Variants in PKHD1 observed in about 807,000 individuals in gnomAD.
PKHD1 encodes fibrocystin.
In PKHD1, 291 loss-of-function variants were observed where a neutral mutation model predicts 412.0. The ratio of observed to expected loss-of-function variants is 0.71; its 90% CI spans 0.64 to 0.78. PKHD1 has a LOEUF of 0.78. Among genes scored for constraint, PKHD1 ranks in the 30% least tolerant of loss-of-function variants. PKHD1 has a pLI of 0.00. For missense variants in PKHD1, 4,825 were observed against 4,950.7 expected (o/e 0.97, Z 0.76); for synonymous variants, 1,777 against 1,821.5 (o/e 0.98, Z 0.62).
At chr6:52,007,866 C>A (rs531820169) in intron 35 of PKHD1, among the ~76,000 whole-genome samples, 21 of 151,926 alleles carry the variant, frequency 1.4e-4, no homozygotes, top group African/African-American at 4.6e-4. Context: ...CCAGTCGATG[C>A]GACAGGACGT....
At chr6:51,658,125 T>C (rs555241677) in intron 61 of PKHD1, among the ~76,000 whole-genome samples, 2 of 152,212 alleles carry the variant, frequency 1.3e-5, no homozygotes, top group Admixed American at 1.3e-4. Flanking sequence ...GTCACTAACA[T>C]GGTGAAGGTT....
intron 60 of PKHD1, among the ~76,000 whole-genome samples, chr6:51,728,376 A>G (rs73738177): frequency 1.3e-5 from 2 of 152,110 alleles, no homozygotes; most frequent in East Asian, 3.8e-4. Context: ...TGCATTCCAA[A>G]TCTTTCCTTT....
intron 23 of PKHD1, among the ~76,000 whole-genome samples, chr6:52,047,398 A>G (rs951332568): frequency 1.3e-5 from 2 of 152,084 alleles, no homozygotes; most frequent in African/African-American, 4.8e-5. Context: ...TCTGCTTGGG[A>G]GGGCAAAAGA....
intron 60 of PKHD1, among the ~76,000 whole-genome samples, chr6:51,725,265 G>C (rs1782434023): frequency 6.6e-6 from 1 of 152,126 alleles, no homozygotes; most frequent in African/African-American, 2.4e-5. Flanking sequence ...CTGGAATAAG[G>C]CCTCTGGATC....
In PKHD1 at chr6:51,622,988, C is replaced by T. The variant is rs1390733700; in HGVS notation, c.11786-3468G>A. 5 of 152,100 alleles carry T rather than the reference C, an allele frequency of 3.3e-5. No individual in the cohort carries two copies. In the East Asian group the frequency reaches 7.7e-4, roughly 23 times the overall value. 9.4% of individuals were successfully genotyped at this position (152,100 alleles called of 1,614,324 possible). ...AATTGGGGCTATTTCCACTAATGTG[C>T]CCATATATTCTTGTAACAGAATCAC... On this transcript the variant is annotated intron_variant, in intron 66 of 66. Coordinates refer to ENST00000371117, the MANE Select transcript of PKHD1 (RefSeq NM_138694.4).
At chr6:51,811,514 A>G (rs144299289) in intron 52 of PKHD1, among the ~76,000 whole-genome samples, 1 of 152,200 alleles carries the variant, frequency 6.6e-6, no homozygotes, top group African/African-American at 2.4e-5. Context: ...TACTTAGAAC[A>G]TATGCTTTTC....
chr6:51,892,554 C>T (rs1461791599), intron 43 of PKHD1, among the ~76,000 whole-genome samples: 3 of 152,110 alleles, frequency 2.0e-5, no homozygotes, highest in Non-Finnish European at 2.9e-5. Flanking sequence ...TCAATATTGA[C>T]GTAGTTGAGA....
At chr6:51,772,877 T>G (rs1790390842) in intron 54 of PKHD1, 88 bp from the exon 55 acceptor site, 3 of 777,852 alleles carry the variant, frequency 3.9e-6, no homozygotes, top group Non-Finnish European at 4.7e-6. Context: ...GAGGCTGTTG[T>G]GCAAAACATG....
chr6:51,850,328 G>A (rs1771963434), intron 49 of PKHD1, among the ~76,000 whole-genome samples: 1 of 152,210 alleles, frequency 6.6e-6, no homozygotes, highest in Non-Finnish European at 1.5e-5. Flanking sequence ...CAGGTAGTGT[G>A]ATGCCTCCAG....
chr6:51,922,031 G>T (rs981745476), intron 37 of PKHD1, among the ~76,000 whole-genome samples: 2 of 152,302 alleles, frequency 1.3e-5, no homozygotes, highest in African/African-American at 4.8e-5. Flanking sequence ...AGAATTTTCA[G>T]CTTTTCTGCT....
chr6:52,033,828 C>A (rs930752579), intron 28 of PKHD1, among the ~76,000 whole-genome samples: 3 of 152,034 alleles, frequency 2.0e-5, no homozygotes, highest in Admixed American at 6.6e-5. Flanking sequence ...TTGGATTTAA[C>A]TTATAAGAAA....
chr6:51,889,043 A>C (rs1437116732), intron 43 of PKHD1, among the ~76,000 whole-genome samples: 1 of 152,020 alleles, frequency 6.6e-6, no homozygotes, highest in Non-Finnish European at 1.5e-5. Flanking sequence ...GAAGTTAAGG[A>C]ATAGGCTGCT....
At chr6:51,737,972 A>T (rs937235904) in intron 60 of PKHD1, among the ~76,000 whole-genome samples, 1 of 152,236 alleles carries the variant, frequency 6.6e-6, no homozygotes. Context: ...AATACAAATA[A>T]TCAGACAAAT....
rs1189141988 is a variant in PKHD1, at chr6:51,807,454, AAAAAATATAT to A, written c.8303-16091_8303-16082del. On this transcript the variant is annotated intron_variant, in intron 52 of 66. Coordinates refer to ENST00000371117, the MANE Select transcript of PKHD1 (RefSeq NM_138694.4). ...CTCTGTCTCAAAAAAAAAAAAAAAA[AAAAAATATAT>A]ATATATATATATATATGTATATGTG... 4.2e-3 allele frequency among the ~76,000 whole-genome samples: 203 copies of A among 48,882 alleles called. 2 individuals are homozygous for A. The South Asian group carries it at 0.055, about 13-fold the overall frequency. 32.1% of individuals were successfully genotyped at this position (48,882 alleles called of 152,430 possible). A position where few individuals can be genotyped will look rare whatever the true frequency, so the allele number is the denominator to read the frequency against.
rs745528178 is a variant in PKHD1 at position 51,656,168 on chromosome 6, AG to A, written c.11174+2783del. On this transcript the variant is annotated intron_variant, in intron 61 of 66. Coordinates refer to ENST00000371117, the MANE Select transcript of PKHD1 (RefSeq NM_138694.4). Reference sequence around the variant, plus strand: ...ATGGAATGCTATGCAGTCATAAAAAAGAATCAGTTCATGCCCTTTGCAGAGA... The same window carrying A: ...ATGGAATGCTATGCAGTCATAAAAAAAATCAGTTCATGCCCTTTGCAGAGA... Among the ~76,000 whole-genome samples the A allele has an allele frequency of 2.5e-4, 38 of 152,316 alleles. 1 individual carries two copies. The highest frequency in any genetic ancestry group is 3.4e-3 in the Middle Eastern group (1 of 294).
chr6:51,881,610 T>C (rs1777378571), intron 46 of PKHD1, among the ~76,000 whole-genome samples: 2 of 152,208 alleles, frequency 1.3e-5, no homozygotes, highest in Admixed American at 1.3e-4. Context: ...AAAGCCATTT[T>C]CCATGTGCAA....
At chr6:51,718,861 T>C (rs1781572365) in intron 60 of PKHD1, among the ~76,000 whole-genome samples, 2 of 152,212 alleles carry the variant, frequency 1.3e-5, no homozygotes, top group South Asian at 4.1e-4. Context: ...AGAGCAATCA[T>C]CATGCGTTCA....
chr6:51,655,475 A>G (rs1246247034), intron 61 of PKHD1, among the ~76,000 whole-genome samples: 1 of 152,080 alleles, frequency 6.6e-6, no homozygotes, highest in African/African-American at 2.4e-5. Context: ...GTATATACAC[A>G]TTGCACACAC....
chr6:51,648,656 C>A (rs996452161), intron 62 of PKHD1, among the ~76,000 whole-genome samples: 3 of 152,168 alleles, frequency 2.0e-5, no homozygotes, highest in Non-Finnish European at 4.4e-5. Context: ...AGCACAGAAA[C>A]TTCTTGTTTT....
Sources: gnomAD v4.1 joint callset for allele counts (sites outside exome capture counted in the v4.1 genomes callset) on GRCh38, gnomAD v4.1.1 for gene constraint, MANE v1.5 for transcripts, NCBI Gene and HGNC (gene_info 2026-07-23, HGNC 2026-07-21) for gene names.